The following PHF20 variants were observed in gnomAD, a reference collection of about 807,000 sequenced individuals.
The protein encoded by PHF20 is glioma-expressed antigen 2.
A neutral mutation model predicts 113.5 loss-of-function variants in PHF20; 23 were observed. That is an observed-to-expected ratio of 0.20 (90% CI 0.15 to 0.29). PHF20 has a LOEUF of 0.29. PHF20 is among the 10% of genes least tolerant of loss of function. PHF20 has a pLI of 1.00. For missense variants in PHF20, 943 were observed against 1,219.6 expected, an observed-to-expected ratio of 0.77 and a Z score of 3.38; for synonymous variants, 434 against 457.3, an observed-to-expected ratio of 0.95 and a Z score of 0.65.
At position 35,837,976 on chromosome 20, in the gene PHF20, C is replaced by T. The variant is rs980597640; in HGVS notation, c.84-4597C>T. Among the ~76,000 whole-genome samples, 17 of 152,238 alleles carry T rather than the reference C, an allele frequency of 1.1e-4. No individual in the cohort carries two copies. In the South Asian group the frequency reaches 2.3e-3, roughly 20 times the overall value. On this transcript the variant is annotated intron_variant, in intron 2 of 17. Coordinates refer to ENST00000374012, the MANE Select transcript of PHF20 (RefSeq NM_016436.5). Reference sequence around the variant, plus strand: ...ACCACTTAATCTTTGGAAAATTTTGCGCCTTGGCTACTATTGAGCCTCTTG... The same window carrying T: ...ACCACTTAATCTTTGGAAAATTTTGTGCCTTGGCTACTATTGAGCCTCTTG...
chr20:35,927,671 T>G (rs1192630970), intron 13 of PHF20, 109 bp from the exon 14 acceptor site: 1 of 819,264 alleles, frequency 1.2e-6, no homozygotes, highest in Admixed American at 1.8e-5. Context: ...TGCTCCTTCC[T>G]CCCCTCTCCT....
chr20:35,803,894 G>A (rs2041832441), intron 2 of PHF20, among the ~76,000 whole-genome samples: 1 of 150,980 alleles, frequency 6.6e-6, no homozygotes, highest in Admixed American at 6.6e-5. Flanking sequence ...TTACTCTATT[G>A]CTCAGGCTGG....
At position 35,949,810 on chromosome 20, in the gene PHF20, T is replaced by G. The variant is rs562208864; in HGVS notation, c.*2183T>G. The G allele has an allele frequency of 6.5e-6, 1 of 152,706 alleles. No individual in the cohort carries two copies. Among genetic ancestry groups the G allele is most frequent in the Non-Finnish European group, 1.5e-5 (1 of 68,084 alleles). The allele number at this position is 152,706 out of a possible 1,614,324, so 9.5% of individuals were successfully genotyped here. A position where few individuals can be genotyped will look rare whatever the true frequency, so the allele number is the denominator to read the frequency against. ...GCTCACGTCTGTAATCCCAGCACTT[T>G]GGGAGGCCGAGGCAGGTGGATCACC... is the stretch of plus-strand genomic sequence containing the variant. On this transcript the variant is annotated 3_prime_UTR_variant, in exon 18 of 18. Coordinates refer to ENST00000374012, the MANE Select transcript of PHF20 (RefSeq NM_016436.5).
chr20:35,921,489 C>T (rs1297865261), intron 13 of PHF20, among the ~76,000 whole-genome samples: 1 of 151,724 alleles, frequency 6.6e-6, no homozygotes, highest in Non-Finnish European at 1.5e-5. Context: ...TCGAGACCAG[C>T]CCTGGAAACA....
intron 1 of PHF20, among the ~76,000 whole-genome samples, chr20:35,781,291 G>T (rs2041290267): frequency 6.6e-6 from 1 of 151,618 alleles, no homozygotes; most frequent in African/African-American, 2.4e-5. Context: ...TTATAGGCCT[G>T]CACCACCACA....
chr20:35,830,910 T>C (rs2042347092), intron 2 of PHF20, among the ~76,000 whole-genome samples: 1 of 152,096 alleles, frequency 6.6e-6, no homozygotes, highest in Non-Finnish European at 1.5e-5. Flanking sequence ...GTGCTTTTTA[T>C]AACCCAGCTT....
At chr20:35,879,678 A>G (rs1269275628) in intron 9 of PHF20, among the ~76,000 whole-genome samples, 2 of 151,368 alleles carry the variant, frequency 1.3e-5, no homozygotes, top group Admixed American at 1.3e-4. Flanking sequence ...GTTACATGGT[A>G]TATGTATTAT....
rs1431270784 is a variant in PHF20, at chr20:35,950,106, GT to G, written c.*2480del. On this transcript the variant is annotated 3_prime_UTR_variant, in exon 18 of 18. Coordinates refer to ENST00000374012, the MANE Select transcript of PHF20 (RefSeq NM_016436.5). Reference sequence around the variant, plus strand: ...GAAATATGTGCACTACCTAAGTTTTGTCTTTAGAAAAACTATCCACCTATAA... The same window carrying G: ...GAAATATGTGCACTACCTAAGTTTTGCTTTAGAAAAACTATCCACCTATAA... 6.6e-6 allele frequency: 1 copy of G among 152,574 alleles called. No homozygotes were observed. Among genetic ancestry groups the G allele is most frequent in the Non-Finnish European group, 1.5e-5 (1 of 68,018 alleles). 9.5% of individuals were successfully genotyped at this position (152,574 alleles called of 1,614,324 possible). A position where few individuals can be genotyped will look rare whatever the true frequency, so the allele number is the denominator to read the frequency against.
At chr20:35,909,963 A>G (rs1348732793) in intron 10 of PHF20, among the ~76,000 whole-genome samples, 2 of 152,204 alleles carry the variant, frequency 1.3e-5, no homozygotes, top group Non-Finnish European at 2.9e-5. Flanking sequence ...TGGGAATGAT[A>G]TACACACAAG....
intron 1 of PHF20, among the ~76,000 whole-genome samples, chr20:35,784,433 CTTTTTTTTTTTT>C (rs35002007): frequency 9.0e-6 from 1 of 110,508 alleles, no homozygotes; most frequent in African/African-American, 3.3e-5. Context: ...ATCCCAAAGA[CTTTTTTTTTTTT>C]TTTTTTTTTG....
chr20:35,811,688 C>A (rs2041980452), intron 2 of PHF20, among the ~76,000 whole-genome samples: 1 of 152,180 alleles, frequency 6.6e-6, no homozygotes, highest in South Asian at 2.1e-4. Flanking sequence ...GATCCACCTG[C>A]CTTGGCCTCC....
intron 9 of PHF20, 177 bp downstream of exon 9, chr20:35,872,006 CTT>C: frequency 2.2e-6 from 1 of 447,106 alleles, no homozygotes; most frequent in East Asian, 3.4e-5. Flanking sequence ...TGTTCCCTCT[CTT>C]AGTATGACTA....
chr20:35,861,370 TTC>T (rs2054215797), intron 5 of PHF20, among the ~76,000 whole-genome samples: 2 of 152,204 alleles, frequency 1.3e-5, no homozygotes, highest in African/African-American at 4.8e-5. Flanking sequence ...GTATACATCT[TTC>T]TGTGTTTTTT....
chr20:35,801,515 G>A lies in PHF20; in HGVS notation c.-8G>A. 1 of 1,607,726 alleles carries A rather than the reference G, an allele frequency of 6.2e-7. No homozygotes were observed. Among genetic ancestry groups the A allele is most frequent in the Non-Finnish European group, 8.5e-7 (1 of 1,175,756 alleles). ...GGAGAATAAAGGCAGCCCCGTTGAT[G>A]ACTGAAAATGACAAAGCATCCACCT... On this transcript the variant is annotated 5_prime_UTR_variant, in exon 2 of 18. An upstream start codon of the reference 5' UTR is lost. Transcript: ENST00000374012.
At chr20:35,945,908 C>G (rs1190880823) in intron 17 of PHF20, among the ~76,000 whole-genome samples, 1 of 152,140 alleles carries the variant, frequency 6.6e-6, no homozygotes, top group Non-Finnish European at 1.5e-5. Flanking sequence ...TGGTTCATGC[C>G]TGTAATCCTA....
At chr20:35,778,392 T>G (rs1214577598) in intron 1 of PHF20, among the ~76,000 whole-genome samples, 1 of 152,182 alleles carries the variant, frequency 6.6e-6, no homozygotes, top group Non-Finnish European at 1.5e-5. Context: ...AGGAGGGTGA[T>G]GTCTTTGTCT....
intron 4 of PHF20, among the ~76,000 whole-genome samples, 183 bp from the exon 5 acceptor site, chr20:35,858,119 C>G (rs2042872231): frequency 6.6e-6 from 1 of 152,056 alleles, no homozygotes; most frequent in Non-Finnish European, 1.5e-5. Context: ...CTAATCTTAA[C>G]TAAGAAATGA....
At chr20:35,901,235 T>C (rs1469737643) in intron 10 of PHF20, among the ~76,000 whole-genome samples, 1 of 152,016 alleles carries the variant, frequency 6.6e-6, no homozygotes, top group East Asian at 1.9e-4. Flanking sequence ...GCCAATATGA[T>C]GAAACCCCGT....
chr20:35,857,403 T>C (rs796505094), intron 4 of PHF20, among the ~76,000 whole-genome samples: 4 of 152,016 alleles, frequency 2.6e-5, no homozygotes, highest in African/African-American at 9.6e-5. Context: ...AAACTAACAG[T>C]GTAGCAGAAA....
Sources: gnomAD v4.1 joint callset for allele counts (sites outside exome capture counted in the v4.1 genomes callset) on GRCh38, gnomAD v4.1.1 for gene constraint, MANE v1.5 for transcripts, NCBI Gene and HGNC (gene_info 2026-07-23, HGNC 2026-07-21) for gene names.